ZNF334: variants seen among roughly 807,000 people sequenced by gnomAD.
The protein encoded by ZNF334 is zinc finger protein 334.
In ZNF334, 14 loss-of-function variants were observed where a neutral mutation model predicts 12.4. The observed-to-expected ratio is 1.13, with a 90% CI of 0.74 to 1.76. ZNF334 has a LOEUF of 1.76. Ranked by LOEUF, ZNF334 falls within the 40% of genes most tolerant of loss-of-function variation. The pLI is 0.00. For synonymous variants in ZNF334, 273 were observed against 269.6 expected (o/e 1.01, Z -0.12); for missense variants, 797 against 804.5 (o/e 0.99, Z 0.11).
the ZNF334 span, among the ~76,000 whole-genome samples, chr20:46,482,167 T>G: frequency 6.6e-6 from 1 of 152,222 alleles, no homozygotes; most frequent in Non-Finnish European, 1.5e-5. Flanking sequence ...ACCCATATTG[T>G]ACTTCTGAAC....
chr20:46,502,709 G>A lies in ZNF334; in HGVS notation c.630C>T (p.Asp210=), dbSNP rs200317130. The change falls in exon 5 of 5, where the codon GAC becomes GAT. Residue 210 remains aspartate, a synonymous_variant. Transcript: ENST00000692313. ...AGAAGGTTTTCCCACATTTATTATAGTCAAACGGTTGTTTCAAAATCTGAA... is the reference window on the plus strand; with the variant it reads ...AGAAGGTTTTCCCACATTTATTATAATCAAACGGTTGTTTCAAAATCTGAA... The part of the protein sequence containing the change: ...QNIQILKQPF[D]YNKCGKTFFK... The A allele has an allele frequency of 1.3e-5, 21 of 1,613,212 alleles. No individual in the cohort carries two copies. The highest frequency in any genetic ancestry group is 7.7e-5 in the South Asian group (7 of 91,056).
At chr20:46,478,526 A>G in the ZNF334 span, among the ~76,000 whole-genome samples, 50 of 152,338 alleles carry the variant, frequency 3.3e-4, no homozygotes, top group Non-Finnish European at 6.0e-4. Flanking sequence ...AGAATACATT[A>G]TAAATTATTC....
chr20:46,504,600 G>T lies in ZNF334; in HGVS notation c.148+14C>A. On this transcript the variant is annotated intron_variant, in intron 3 of 4. Transcript: ENST00000692313. Reference sequence around the variant, plus strand: ...TGTATGCTCTTGGGAGTTGTACAGGGAAATAGTCCTTACCCACAGAGACCA... The same window carrying T: ...TGTATGCTCTTGGGAGTTGTACAGGTAAATAGTCCTTACCCACAGAGACCA... 1 of 1,584,438 alleles carries T rather than the reference G, an allele frequency of 6.3e-7. No individual in the cohort carries two copies. The highest frequency in any genetic ancestry group is 8.5e-7 in the Non-Finnish European group (1 of 1,170,342).
chr20:46,463,144 G>A, the ZNF334 span, among the ~76,000 whole-genome samples: 1 of 152,194 alleles, frequency 6.6e-6, no homozygotes, highest in Non-Finnish European at 1.5e-5. Flanking sequence ...CTACTTGGGA[G>A]GCTGAGGCAG....
At chr20:46,503,166 T>C in intron 4 of ZNF334, 69 bp from the exon 5 acceptor site, 1 of 1,485,646 alleles carries the variant, frequency 6.7e-7, no homozygotes, top group Non-Finnish European at 8.9e-7. Context: ...TGAGAATTCC[T>C]TAGAAATGCA....
At chr20:46,480,107 G>A in the ZNF334 span, among the ~76,000 whole-genome samples, 3 of 152,092 alleles carry the variant, frequency 2.0e-5, no homozygotes, top group Non-Finnish European at 4.4e-5. Context: ...CCTTTCTCAG[G>A]ACCCCCTGAG....
rs751307175 is a variant in ZNF334, at chr20:46,501,451, A to C, written c.1888T>G (p.Cys630Gly). The C allele has an allele frequency of 6.2e-7, 1 of 1,614,090 alleles. No individual in the cohort carries two copies. The highest frequency in any genetic ancestry group is 2.2e-5 in the East Asian group (1 of 44,882). The stretch of plus-strand genomic sequence containing the variant: ...CGGTAGGTTTTCCCACATTGATTAC[A>C]TTCATATGGTTTCTCTCCTGTGTGA... Reference protein sequence around the residue: ...RIHTGEKPYECNQCGKTYRRL... With the variant: ...RIHTGEKPYEGNQCGKTYRRL... Residue 630 changes from cysteine to glycine, a missense_variant, in exon 5 of 5, where the codon TGT becomes GGT. Physicochemically the swap from Cys to Gly is radical, Grantham distance 159. Coordinates refer to ENST00000692313, the MANE Select transcript of ZNF334 (RefSeq NM_001353824.2).
In ZNF334 at chr20:46,502,728, A is replaced by G; in HGVS notation, c.611T>C (p.Ile204Thr). ...ATTATAGTCAAACGGTTGTTTCAAA[A>G]TCTGAATGTTCTGGTGCAGAATAAG... ...ENLILHQNIQ[I>T]LKQPFDYNKC... The change falls in exon 5 of 5, where the codon ATT becomes ACT. Residue 204 changes from isoleucine to threonine, a missense_variant. Coordinates refer to ENST00000692313, the MANE Select transcript of ZNF334 (RefSeq NM_001353824.2). 6.2e-7 allele frequency: 1 copy of G among 1,613,698 alleles called. No individual in the cohort carries two copies. Among genetic ancestry groups the G allele is most frequent in the South Asian group, 1.1e-5 (1 of 91,070 alleles).
chr20:46,496,948 T>C (rs1485181838), downstream of ZNF334, among the ~76,000 whole-genome samples: 2 of 152,238 alleles, frequency 1.3e-5, no homozygotes, highest in African/African-American at 4.8e-5. Context: ...CACTACTTGC[T>C]TGGCCTGCAG....
chr20:46,497,891 A>T (rs184091479), downstream of ZNF334, among the ~76,000 whole-genome samples: 11 of 152,342 alleles, frequency 7.2e-5, no homozygotes, highest in Non-Finnish European at 1.5e-4. Context: ...TTTTCTTAAA[A>T]AGGCTACCTT....
the ZNF334 span, among the ~76,000 whole-genome samples, chr20:46,483,605 A>G: frequency 6.6e-6 from 1 of 152,216 alleles, no homozygotes; most frequent in African/African-American, 2.4e-5. Context: ...TTATTGCCTC[A>G]GTATTCATTG....
intron 2 of ZNF334, chr20:46,509,539 A>G (rs2061566446): frequency 2.8e-6 from 2 of 702,970 alleles, no homozygotes; most frequent in Non-Finnish European, 5.2e-6. Flanking sequence ...TGGGAGGACC[A>G]CCAGGAGAAA....
the ZNF334 span, among the ~76,000 whole-genome samples, chr20:46,489,003 C>A: frequency 6.6e-6 from 1 of 151,112 alleles, no homozygotes; most frequent in East Asian, 1.9e-4. Context: ...GAGTGTAATT[C>A]TCTTCATGTT....
In ZNF334 at chr20:46,502,865, GTTTTCTTTGC is replaced by G. The variant is rs1568861814; in HGVS notation, c.464_473del (p.Ser155ThrfsTer21). On this transcript the variant is annotated frameshift_variant, in exon 5 of 5. Coordinates refer to ENST00000692313, the MANE Select transcript of ZNF334 (RefSeq NM_001353824.2). LOFTEE classifies it low-confidence loss of function (END_TRUNC). ...CACTGTATCCATCAGGAATCTTTCT[GTTTTCTTTGC>G]TTTTCTTTGCAACAATTACTTCTGA... 1.9e-6 allele frequency: 3 copies of G among 1,613,480 alleles called. No individual in the cohort carries two copies. Among genetic ancestry groups the G allele is most frequent in the Non-Finnish European group, 1.7e-6 (2 of 1,179,866 alleles).
chr20:46,509,025 T>A (rs924101286), intron 2 of ZNF334, among the ~76,000 whole-genome samples: 1 of 152,228 alleles, frequency 6.6e-6, no homozygotes, highest in Non-Finnish European at 1.5e-5. Flanking sequence ...ATTTGAATCA[T>A]GACACATCAG....
the ZNF334 span, among the ~76,000 whole-genome samples, chr20:46,471,248 T>C: frequency 6.6e-6 from 1 of 152,186 alleles, no homozygotes; most frequent in Non-Finnish European, 1.5e-5. Flanking sequence ...CTATTGTCCA[T>C]TTTGATATTG....
At chr20:46,510,541 T>C (rs1315677290) in intron 2 of ZNF334, among the ~76,000 whole-genome samples, 2 of 151,914 alleles carry the variant, frequency 1.3e-5, no homozygotes, top group African/African-American at 4.8e-5. Context: ...CTGGCTAACA[T>C]GGCGAAACCC....
At chr20:46,504,464 G>C in intron 3 of ZNF334, 150 bp downstream of exon 3, 1 of 1,162,642 alleles carries the variant, frequency 8.6e-7, no homozygotes, top group Non-Finnish European at 1.2e-6. Flanking sequence ...GAAGGGCAGT[G>C]AATACATACA....
chr20:46,511,799 A>G (rs890453482), intron 2 of ZNF334, among the ~76,000 whole-genome samples: 12 of 152,266 alleles, frequency 7.9e-5, no homozygotes, highest in Middle Eastern at 3.4e-3. Flanking sequence ...TCTCTACTTC[A>G]CTTACTCAAA....
Sources: allele counts gnomAD v4.1 joint callset (sites outside exome capture counted in the v4.1 genomes callset), GRCh38; gene constraint gnomAD v4.1.1; transcripts MANE v1.5; gene names NCBI Gene and HGNC (gene_info 2026-07-23, HGNC 2026-07-21).